NRIP1: variants seen among roughly 807,000 people sequenced by gnomAD.
NRIP1 encodes the protein nuclear receptor interacting protein 1.
Under a neutral mutation model 75.0 loss-of-function variants are expected in NRIP1, and 28 were observed. The ratio of observed to expected loss-of-function variants is 0.37; its 90% CI spans 0.28 to 0.51. The LOEUF is 0.51. NRIP1 is among the 20% of genes least tolerant of loss of function. The probability of loss-of-function intolerance (pLI) is 0.92; values close to 1 mark genes in which losing one functional copy is unlikely to be tolerated. For synonymous variants in NRIP1, 526 were observed against 487.6 expected (o/e 1.08, Z -1.04); for missense variants, 1,435 against 1,343.7 (o/e 1.07, Z -1.06).
chr21:15,045,116 A>C (rs1433733606), intron 1 of NRIP1, among the ~76,000 whole-genome samples: 1 of 152,202 alleles, frequency 6.6e-6, no homozygotes, highest in Non-Finnish European at 1.5e-5. Context: ...CTCCTCCAGT[A>C]TCTTATTTCA....
At chr21:15,016,893 AG>A (rs2088243934) in intron 2 of NRIP1, among the ~76,000 whole-genome samples, 1 of 151,878 alleles carries the variant, frequency 6.6e-6, no homozygotes, top group South Asian at 2.1e-4. Flanking sequence ...AAAGAAAGAA[AG>A]AAGGAAAGAA....
At chr21:14,970,809 A>G (rs1452359851) in intron 3 of NRIP1, among the ~76,000 whole-genome samples, 1 of 152,172 alleles carries the variant, frequency 6.6e-6, no homozygotes, top group Non-Finnish European at 1.5e-5. Context: ...TACTCCTGTT[A>G]TTGCTTTCTA....
At chr21:15,047,472 G>A (rs977119711) in intron 1 of NRIP1, among the ~76,000 whole-genome samples, 69 of 152,274 alleles carry the variant, frequency 4.5e-4, no homozygotes, top group African/African-American at 1.6e-3. Context: ...CCCAGGAGGC[G>A]GAGCTTGCAG....
upstream of NRIP1, chr21:15,065,070 C>G (rs1313811075): frequency 1.3e-5 from 2 of 155,206 alleles, no homozygotes; most frequent in Non-Finnish European, 2.8e-5. Context: ...CCGCCGAGTC[C>G]GCCGCGGCCC....
chr21:14,995,893 T>C (rs2087708679), intron 3 of NRIP1, among the ~76,000 whole-genome samples: 1 of 152,138 alleles, frequency 6.6e-6, no homozygotes, highest in African/African-American at 2.4e-5. Flanking sequence ...CTCATAATAG[T>C]TTCTATTTCA....
chr21:14,961,889 G>A lies in NRIP1; in HGVS notation c.*2827C>T, dbSNP rs2146894762. Reference sequence around the variant, plus strand: ...ATACAGGAACCAAAGAGATTAAAAGGCTTTTCTGTTGCATTAGAACAATAC... The same window carrying A: ...ATACAGGAACCAAAGAGATTAAAAGACTTTTCTGTTGCATTAGAACAATAC... On this transcript the variant is annotated 3_prime_UTR_variant, in exon 4 of 4. Transcript: ENST00000318948. The A allele has an allele frequency of 6.6e-6, 1 of 151,794 alleles. No individual in the cohort carries two copies. The highest frequency in any genetic ancestry group is 1.5e-5 in the Non-Finnish European group (1 of 67,682). The allele number at this position is 151,794 out of a possible 1,614,324, so 9.4% of individuals were successfully genotyped here. A position where few individuals can be genotyped will look rare whatever the true frequency, so the allele number is the denominator to read the frequency against.
intron 1 of NRIP1, chr21:15,050,402 T>TG: frequency 3.8e-6 from 1 of 263,292 alleles, no homozygotes; most frequent in Non-Finnish European, 7.5e-6. Context: ...AGTTCACTGA[T>TG]TATGAGGACA....
At chr21:14,970,215 T>C (rs1156454990) in intron 3 of NRIP1, among the ~76,000 whole-genome samples, 3 of 152,148 alleles carry the variant, frequency 2.0e-5, no homozygotes, top group Admixed American at 2.0e-4. Context: ...TGATAACATC[T>C]TGGAGTTGAG....
intron 3 of NRIP1, among the ~76,000 whole-genome samples, chr21:14,997,208 G>A (rs1229054533): frequency 1.3e-5 from 2 of 152,104 alleles, no homozygotes; most frequent in Admixed American, 1.3e-4. Context: ...TTTGAAGAAA[G>A]ATAAAGGTTT....
At chr21:15,031,156 A>C (rs1163667796) in intron 2 of NRIP1, among the ~76,000 whole-genome samples, 1 of 135,606 alleles carries the variant, frequency 7.4e-6, no homozygotes, top group Non-Finnish European at 1.6e-5. Flanking sequence ...GGATCACCAC[A>C]TTCCCTTTCT....
Position 14,965,005 on chromosome 21 carries a change from T to G in NRIP1, c.3188A>C (p.Lys1063Thr), listed in dbSNP as rs545248971. Residue 1063 changes from lysine to threonine, a missense_variant, in exon 4 of 4, where the codon AAA (lysine) becomes ACA (threonine). Coordinates refer to ENST00000318948, the MANE Select transcript of NRIP1 (RefSeq NM_003489.4). ...EYEKDSPRLT[K>T]TNPILYYMLQ... ...CATGTAATATAGTATTGGGTTGGTT[T>G]TGGTCAATCTTGGAGAGTCTTTTTC... is the stretch of plus-strand genomic sequence containing the variant. The G allele has an allele frequency of 1.2e-6, 2 of 1,613,978 alleles. No individual in the cohort carries two copies. The highest frequency in any genetic ancestry group is 4.5e-5 in the East Asian group (2 of 44,880).
intron 1 of NRIP1, among the ~76,000 whole-genome samples, chr21:15,063,265 C>G (rs143762727): frequency 2.4e-4 from 37 of 152,316 alleles, no homozygotes; most frequent in African/African-American, 8.9e-4. Flanking sequence ...CAAATAAACC[C>G]TATCGACGTT....
chr21:15,032,547 A>C (rs2088729421), intron 2 of NRIP1, among the ~76,000 whole-genome samples: 1 of 152,170 alleles, frequency 6.6e-6, no homozygotes. Context: ...TATTTCCTTC[A>C]AAACCTTCTC....
chr21:15,056,938 G>A (rs182214775), intron 1 of NRIP1, among the ~76,000 whole-genome samples: 2 of 152,128 alleles, frequency 1.3e-5, no homozygotes, highest in East Asian at 1.9e-4. Flanking sequence ...ATAAAAGAAC[G>A]TACCTGGTAT....
intron 3 of NRIP1, among the ~76,000 whole-genome samples, chr21:14,973,861 T>C (rs962621044): frequency 2.7e-5 from 4 of 150,058 alleles, no homozygotes; most frequent in African/African-American, 4.9e-5. Context: ...TTTTTTTTTT[T>C]CCTGTGGAGA....
chr21:14,996,432 T>C (rs2087726282), intron 3 of NRIP1, among the ~76,000 whole-genome samples: 1 of 152,216 alleles, frequency 6.6e-6, no homozygotes, highest in East Asian at 1.9e-4. Flanking sequence ...CTGGCTTTCT[T>C]ATGGCTGCCT....
chr21:15,055,137 C>T (rs1468440027), intron 1 of NRIP1, among the ~76,000 whole-genome samples: 1 of 152,178 alleles, frequency 6.6e-6, no homozygotes, highest in East Asian at 1.9e-4. Flanking sequence ...AGTGCCCCCT[C>T]ATCTTATTTG....
intron 3 of NRIP1, among the ~76,000 whole-genome samples, chr21:14,990,398 C>CA: frequency 6.6e-6 from 1 of 152,252 alleles, no homozygotes; most frequent in South Asian, 2.1e-4. Context: ...TTAAGCAATG[C>CA]AAATACTAAT....
rs539863240 is a variant in NRIP1, at chr21:14,964,263, C to T, written c.*453G>A. 1 of 150,352 alleles carries T rather than the reference C, an allele frequency of 6.7e-6. No individual in the cohort carries two copies. The highest frequency in any genetic ancestry group is 2.0e-4 in the East Asian group (1 of 4,920). 9.3% of individuals were successfully genotyped at this position (150,352 alleles called of 1,614,324 possible). A position where few individuals can be genotyped will look rare whatever the true frequency, so the allele number is the denominator to read the frequency against. The stretch of plus-strand genomic sequence containing the variant: ...TTGGATAATAAGCTGTGAATCAGCA[C>T]TAGGTTTTTTTTTATTGGATAATTA... On this transcript the variant is annotated 3_prime_UTR_variant, in exon 4 of 4. Transcript: ENST00000318948.
Sources: gnomAD v4.1 joint callset for allele counts (sites outside exome capture counted in the v4.1 genomes callset) on GRCh38, gnomAD v4.1.1 for gene constraint, MANE v1.5 for transcripts, NCBI Gene and HGNC (gene_info 2026-07-23, HGNC 2026-07-21) for gene names.